The following DHRS4 variants were observed in gnomAD, a reference collection of about 807,000 sequenced individuals.
DHRS4 encodes dehydrogenase/reductase SDR family member 4.
DHRS4 carries 20 observed loss-of-function variants against 28.4 expected under a neutral mutation model. The ratio of observed to expected loss-of-function variants is 0.71; its 90% CI spans 0.50 to 1.02. The LOEUF is 1.02. DHRS4 is among the 50% of genes least tolerant of loss of function. The pLI, the probability that DHRS4 is intolerant of heterozygous loss-of-function variation, is 0.00. For missense variants in DHRS4, 378 were observed against 367.2 expected (o/e 1.03, Z -0.24); for synonymous variants, 144 against 146.4 (o/e 0.98, Z 0.12).
At position 23,966,537 on chromosome 14, in the gene DHRS4, T is replaced by C. The variant is rs2033627758; in HGVS notation, c.666+120T>C. On this transcript the variant is annotated intron_variant, in intron 6 of 7. Transcript: ENST00000313250. ...GCCACTCCATTCTCCTTCCCTGGAC[T>C]TTCCCATATTCCCTCTCTGTACCAC... is the stretch of plus-strand genomic sequence containing the variant. The C allele has an allele frequency of 5.3e-6, 8 of 1,507,450 alleles. No homozygotes were observed. In the South Asian group the frequency reaches 9.0e-5, roughly 17 times the overall value. 93.4% of individuals were successfully genotyped at this position (1,507,450 alleles called of 1,614,324 possible).
At position 23,968,787 on chromosome 14, in the gene DHRS4, C is replaced by G. The variant is rs781687494; in HGVS notation, c.753C>G (p.Ile251Met). 96 of 1,606,776 alleles carry G rather than the reference C, an allele frequency of 6.0e-5. 5 individuals are homozygous for G. In the South Asian group the frequency reaches 1.0e-3, roughly 17 times the overall value. The change falls in exon 8 of 8, where the codon ATC (isoleucine) becomes ATG (methionine). Residue 251 changes from isoleucine to methionine, a missense_variant. Coordinates refer to ENST00000313250, the MANE Select transcript of DHRS4 (RefSeq NM_021004.4). ...GCGAGCCAGAGGATTGTGCTGGCAT[C>G]GTGTCTTTCCTGTGCTCTGAAGATG... is the stretch of plus-strand genomic sequence containing the variant. Reference protein sequence around the residue: ...RLGEPEDCAGIVSFLCSEDAS... With the variant: ...RLGEPEDCAGMVSFLCSEDAS...
At position 23,966,427 on chromosome 14, in the gene DHRS4, G is replaced by A. The variant is rs753851523; in HGVS notation, c.666+10G>A. 6.2e-7 allele frequency: 1 copy of A among 1,613,370 alleles called. No homozygotes were observed. Among genetic ancestry groups the A allele is most frequent in the Non-Finnish European group, 8.5e-7 (1 of 1,179,828 alleles). Reference sequence around the variant, plus strand: ...TAGCTTCAGCAGGATGGTGAGGAAGGGGAGCTTTGCATTTGACTGGGACCC... The same window carrying A: ...TAGCTTCAGCAGGATGGTGAGGAAGAGGAGCTTTGCATTTGACTGGGACCC... On this transcript the variant is annotated intron_variant, in intron 6 of 7. Transcript: ENST00000313250.
At chr14:23,968,652 C>T (rs1566479952) in intron 7 of DHRS4, 105 bp from the exon 8 acceptor site, 3 of 1,541,890 alleles carry the variant, frequency 1.9e-6, no homozygotes, top group Admixed American at 4.0e-5. Flanking sequence ...CCTGAAAAAG[C>T]CATCTGATAA....
intron 2 of DHRS4, among the ~76,000 whole-genome samples, chr14:23,958,924 C>T (rs1370461395): frequency 6.6e-6 from 1 of 152,216 alleles, no homozygotes; most frequent in African/African-American, 2.4e-5. Context: ...AGAAAATTCT[C>T]TGAACCTATT....
chr14:23,956,005 A>G (rs974835819), intron 2 of DHRS4, among the ~76,000 whole-genome samples: 17 of 152,346 alleles, frequency 1.1e-4, no homozygotes, highest in Middle Eastern at 3.4e-3. Context: ...TTCTGCTAAC[A>G]GATTGGAAGG....
chr14:23,957,319 CAT>C (rs150917745), intron 2 of DHRS4, among the ~76,000 whole-genome samples: 3,827 of 152,198 alleles, frequency 0.025, 158 homozygotes, highest in African/African-American at 0.084. Context: ...CCAGTTGCCA[CAT>C]GTTACCCTGC....
chr14:23,953,975 C>G, intron 1 of DHRS4, 59 bp downstream of exon 1: 1 of 1,545,718 alleles, frequency 6.5e-7, no homozygotes, highest in Non-Finnish European at 8.7e-7. Flanking sequence ...GCACTGGCCT[C>G]TCATCCTCGG....
At chr14:23,954,192 C>T (rs933101093) in intron 1 of DHRS4, 17 of 366,074 alleles carry the variant, frequency 4.6e-5, no homozygotes, top group African/African-American at 3.5e-4. Flanking sequence ...CTGGGCTGCC[C>T]CAGTCAACCA....
rs373029213 is a variant in DHRS4 at position 23,956,891 on chromosome 14, C to T, written c.306+1679C>T. Among the ~76,000 whole-genome samples the T allele has an allele frequency of 9.2e-5, 14 of 152,332 alleles. No individual in the cohort carries two copies. The East Asian group carries it at 1.2e-3, about 13-fold the overall frequency. On this transcript the variant is annotated intron_variant, in intron 2 of 7. Transcript: ENST00000313250. ...GTGCTGGGATTACAGGCGTGAGCCA[C>T]TGTGCCCGGCCATAGCTTCTTAAAA... is the stretch of plus-strand genomic sequence containing the variant.
intron 3 of DHRS4, among the ~76,000 whole-genome samples, chr14:23,964,220 TAAAAAAAAAAAAAA>T (rs71119059): frequency 0.015 from 531 of 34,514 alleles, 28 homozygotes; most frequent in African/African-American, 0.043. Flanking sequence ...CTGCAATTTG[TAAAAAAAAAAAAAA>T]AAAAAAAAAA....
In DHRS4 at chr14:23,953,821, C is replaced by T. The variant is rs766449785; in HGVS notation, c.33C>T (p.Ala11=). 3.1e-6 allele frequency: 5 copies of T among 1,614,020 alleles called. No individual in the cohort carries two copies. The highest frequency in any genetic ancestry group is 2.2e-5 in the East Asian group (1 of 44,892). Residue 11 remains alanine, a synonymous_variant, in exon 1 of 8, where the codon GCC becomes GCT. Coordinates refer to ENST00000313250, the MANE Select transcript of DHRS4 (RefSeq NM_021004.4). ...AGGCGGGGCTGCTAGGCCTCTGTGC[C>T]CGGGCTTGGAATTCGGTGCGGATGG... MHKAGLLGLC[A]RAWNSVRMAS... is the part of the protein sequence containing the mutation.
At chr14:23,960,806 A>C (rs750845597) in intron 3 of DHRS4, among the ~76,000 whole-genome samples, 18 of 152,128 alleles carry the variant, frequency 1.2e-4, no homozygotes, top group Non-Finnish European at 2.5e-4. Context: ...TGAGCTGGGC[A>C]ATTTATAAAG....
At chr14:23,964,824 A>G (rs1223764841) in intron 3 of DHRS4, among the ~76,000 whole-genome samples, 7 of 147,190 alleles carry the variant, frequency 4.8e-5, no homozygotes, top group South Asian at 4.3e-4. Context: ...TGATCCACCC[A>G]TCTTGGCCTC....
At position 23,968,975 on chromosome 14, in the gene DHRS4, C is replaced by G; in HGVS notation, c.*104C>G. 7.0e-7 allele frequency: 1 copy of G among 1,425,120 alleles called. No individual in the cohort carries two copies. The allele number at this position is 1,425,120 out of a possible 1,614,324, so 88.3% of individuals were successfully genotyped here. ...CACCTCTGCTCACCTTACTGTTCACCTCATCAAATCAGTTCTGCCCTGTGA... is the reference window on the plus strand; with the variant it reads ...CACCTCTGCTCACCTTACTGTTCACGTCATCAAATCAGTTCTGCCCTGTGA... On this transcript the variant is annotated 3_prime_UTR_variant, in exon 8 of 8. Coordinates refer to ENST00000313250, the MANE Select transcript of DHRS4 (RefSeq NM_021004.4).
chr14:23,968,866 C>G lies in DHRS4; in HGVS notation c.832C>G (p.Leu278Val), dbSNP rs751234554. The G allele has an allele frequency of 6.2e-7, 1 of 1,607,266 alleles. No individual in the cohort carries two copies. The highest frequency in any genetic ancestry group is 8.5e-7 in the Non-Finnish European group (1 of 1,177,024). The change falls in exon 8 of 8, where the codon CTC (leucine) becomes GTC (valine). Residue 278 changes from leucine to valine, a missense_variant. Transcript: ENST00000313250. ...GGTGGGTGGAGGAACCCCGTCCCGC[C>G]TCTGAGGACCGGGAGACAGCCCACA... Reference protein sequence around the residue: ...VVVGGGTPSRL With the variant: ...VVVGGGTPSRV
At chr14:23,956,913 A>C (rs1302223781) in intron 2 of DHRS4, among the ~76,000 whole-genome samples, 1 of 152,174 alleles carries the variant, frequency 6.6e-6, no homozygotes, top group Non-Finnish European at 1.5e-5. Flanking sequence ...ATAGCTTCTT[A>C]AAAGGATACG....
chr14:23,955,121 C>T lies in DHRS4; in HGVS notation c.215C>T (p.Ala72Val), dbSNP rs1256405432. 12 of 1,613,962 alleles carry T rather than the reference C, an allele frequency of 7.4e-6. No individual in the cohort carries two copies. The highest frequency in any genetic ancestry group is 4.0e-5 in the African/African-American group (3 of 74,944). The change falls in exon 2 of 8, where the codon GCG (alanine) becomes GTG (valine). Residue 72 changes from alanine to valine, a missense_variant. Ala to Val is a moderately conservative substitution (Grantham distance 64, BLOSUM62 0). Transcript: ENST00000313250. ...CGGAAGCAGCAGAATGTGGACCAGGCGGTGGCCACGCTGCAGGGGGAGGGG... is the reference window on the plus strand; with the variant it reads ...CGGAAGCAGCAGAATGTGGACCAGGTGGTGGCCACGCTGCAGGGGGAGGGG... The part of the protein sequence containing the change: ...SSRKQQNVDQ[A>V]VATLQGEGLS...
chr14:23,963,460 G>T (rs576746246), intron 3 of DHRS4, among the ~76,000 whole-genome samples: 1 of 144,512 alleles, frequency 6.9e-6, no homozygotes, highest in African/African-American at 2.7e-5. Context: ...TGTTACAGAG[G>T]TGGCTTCTTA....
At position 23,963,434 on chromosome 14, in the gene DHRS4, T is replaced by A. The variant is rs908538417; in HGVS notation, c.409-2328T>A. Among the ~76,000 whole-genome samples, 39 of 141,366 alleles carry A rather than the reference T, an allele frequency of 2.8e-4. 2 individuals carry two copies. The highest frequency in any genetic ancestry group is 1.1e-3 in the African/African-American group (38 of 35,794). 92.7% of individuals were successfully genotyped at this position (141,366 alleles called of 152,430 possible). A position where few individuals can be genotyped will look rare whatever the true frequency, so the allele number is the denominator to read the frequency against. On this transcript the variant is annotated intron_variant, in intron 3 of 7. Transcript: ENST00000313250. The stretch of plus-strand genomic sequence containing the variant: ...AGCTTCTACATCAGCACTCGCTGCT[T>A]CATCTTGCACTTTTATGTTACAGAG...
Sources: gnomAD v4.1 joint callset for allele counts (sites outside exome capture counted in the v4.1 genomes callset) on GRCh38, gnomAD v4.1.1 for gene constraint, MANE v1.5 for transcripts, NCBI Gene and HGNC (gene_info 2026-07-23, HGNC 2026-07-21) for gene names.